The following EHBP1 variants were observed in gnomAD, a reference collection of about 807,000 sequenced individuals.
The protein encoded by EHBP1 is EH domain-binding protein 1.
EHBP1 carries 55 observed loss-of-function variants against 144.0 expected under a neutral mutation model. The ratio of observed to expected loss-of-function variants is 0.38; its 90% CI spans 0.31 to 0.48. The LOEUF is 0.48. Ranked by LOEUF, EHBP1 falls within the 20% of genes least tolerant of loss-of-function variation. The pLI is 0.98. For synonymous variants in EHBP1, 469 were observed against 472.7 expected (o/e 0.99, Z 0.10); for missense variants, 1,200 against 1,364.2 (o/e 0.88, Z 1.90).
intron 2 of EHBP1, among the ~76,000 whole-genome samples, chr2:62,710,685 A>G (rs1387315596): frequency 6.6e-6 from 1 of 152,100 alleles, no homozygotes; most frequent in Non-Finnish European, 1.5e-5. Flanking sequence ...GGTAAAAAAA[A>G]AGTAGTTTTT....
chr2:62,702,235 C>T (rs1297402676), upstream of EHBP1, among the ~76,000 whole-genome samples: 1 of 152,160 alleles, frequency 6.6e-6, no homozygotes, highest in African/African-American at 2.4e-5. Context: ...TCATTTTAAG[C>T]TTGATGATAT....
chr2:62,879,496 T>C (rs2051185538), intron 10 of EHBP1, among the ~76,000 whole-genome samples: 7 of 151,048 alleles, frequency 4.6e-5, no homozygotes, highest in Admixed American at 3.3e-4. Context: ...TACAAGTCTA[T>C]ATAACATTCA....
At chr2:62,675,668 A>G (rs1197611836) in intron 1 of EHBP1, among the ~76,000 whole-genome samples, 4 of 152,166 alleles carry the variant, frequency 2.6e-5, no homozygotes, top group Non-Finnish European at 5.9e-5. Context: ...ATGCTGCAAA[A>G]AAAGGCCACA....
At chr2:62,702,133 A>G (rs1009133465), upstream of EHBP1, among the ~76,000 whole-genome samples, 12 of 152,342 alleles carry the variant, frequency 7.9e-5, no homozygotes, top group African/African-American at 2.9e-4. Flanking sequence ...TGTTTCACTG[A>G]AAATAATTTC....
intron 19 of EHBP1, among the ~76,000 whole-genome samples, chr2:62,999,110 A>G (rs1275399568): frequency 1.3e-5 from 2 of 152,108 alleles, no homozygotes; most frequent in East Asian, 1.9e-4. Flanking sequence ...TGTTTTTTAT[A>G]TGATGAGACT....
intron 10 of EHBP1, among the ~76,000 whole-genome samples, chr2:62,876,462 C>A (rs12991414): frequency 0.11 from 17,360 of 152,216 alleles, 1,228 homozygotes; most frequent in East Asian, 0.19. Context: ...ACCTGCCTTA[C>A]AGGAGGTCCT....
At chr2:62,779,654 G>A (rs1016990046) in intron 5 of EHBP1, among the ~76,000 whole-genome samples, 2 of 152,130 alleles carry the variant, frequency 1.3e-5, no homozygotes, top group Non-Finnish European at 2.9e-5. Context: ...TTTTCTTACA[G>A]TCCCAGAGTC....
intron 10 of EHBP1, among the ~76,000 whole-genome samples, chr2:62,894,179 G>A (rs910466788): frequency 2.0e-5 from 3 of 152,142 alleles, no homozygotes; most frequent in Admixed American, 1.3e-4. Flanking sequence ...GAGTTGAGAG[G>A]GACATGACTA....
chr2:62,774,206 A>G (rs2041895224), intron 5 of EHBP1, among the ~76,000 whole-genome samples: 1 of 152,008 alleles, frequency 6.6e-6, no homozygotes, highest in African/African-American at 2.4e-5. Context: ...CAGCGTCTCT[A>G]CTAAAAATAC....
At chr2:62,838,156 C>T (rs953083307) in intron 7 of EHBP1, among the ~76,000 whole-genome samples, 2 of 151,762 alleles carry the variant, frequency 1.3e-5, no homozygotes, top group African/African-American at 4.8e-5. Context: ...GACCACAGTG[C>T]AATCAAACTA....
At chr2:63,030,181 T>C (rs2061173163) in intron 19 of EHBP1, among the ~76,000 whole-genome samples, 1 of 152,180 alleles carries the variant, frequency 6.6e-6, no homozygotes. Flanking sequence ...CTACAGGAGT[T>C]TCTCAGAATT....
intron 14 of EHBP1, among the ~76,000 whole-genome samples, chr2:62,968,610 A>G (rs1222349457): frequency 6.6e-6 from 1 of 152,196 alleles, no homozygotes; most frequent in Admixed American, 6.6e-5. Context: ...GTTTTGCAGA[A>G]CACTTTAACA....
intron 14 of EHBP1, 92 bp from the exon 15 acceptor site, chr2:62,979,096 G>C: frequency 7.5e-7 from 1 of 1,326,730 alleles, no homozygotes; most frequent in Non-Finnish European, 1.0e-6. Flanking sequence ...CAAGCACCAT[G>C]CTGTAAACCA....
At chr2:62,916,866 G>A (rs2054659378) in intron 10 of EHBP1, among the ~76,000 whole-genome samples, 2 of 149,598 alleles carry the variant, frequency 1.3e-5, no homozygotes, top group South Asian at 4.2e-4. Flanking sequence ...ATAAAATATA[G>A]CTATTATATA....
At chr2:62,836,269 G>A (rs1020861497) in intron 7 of EHBP1, among the ~76,000 whole-genome samples, 10 of 152,062 alleles carry the variant, frequency 6.6e-5, no homozygotes, top group African/African-American at 1.9e-4. Context: ...CAACAGACCT[G>A]CAGCTGAGGG....
At chr2:62,904,196 G>A (rs893956328) in intron 10 of EHBP1, among the ~76,000 whole-genome samples, 1 of 152,176 alleles carries the variant, frequency 6.6e-6, no homozygotes, top group African/African-American at 2.4e-5. Flanking sequence ...TGACATTTGA[G>A]CCTATGTCTT....
chr2:62,975,264 G>A (rs2058661207), intron 14 of EHBP1, among the ~76,000 whole-genome samples: 1 of 152,168 alleles, frequency 6.6e-6, no homozygotes, highest in African/African-American at 2.4e-5. Flanking sequence ...GGCAGAAAGG[G>A]TATGGCCTTT....
Position 62,965,357 on chromosome 2 carries a change from G to A in EHBP1, c.2460+9697G>A, listed in dbSNP as rs1423344101. 2.6e-5 allele frequency among the ~76,000 whole-genome samples: 4 copies of A among 152,126 alleles called. No homozygotes were observed. The East Asian group carries it at 5.8e-4, about 22-fold the overall frequency. ...TTAAGAAATATGCACGACTATTTTA[G>A]TGCTATTTTAAACTATTCTGCCTGT... On this transcript the variant is annotated intron_variant, in intron 14 of 22. Coordinates refer to ENST00000431489, the MANE Select transcript of EHBP1 (RefSeq NM_001142616.3).
At chr2:62,804,786 ACTCCCGAGCTTTGC>A (rs1198743877) in intron 5 of EHBP1, among the ~76,000 whole-genome samples, 1 of 152,020 alleles carries the variant, frequency 6.6e-6, no homozygotes, top group Non-Finnish European at 1.5e-5. Context: ...GCAAGCTTTA[ACTCCCGAGCTTTGC>A]CTCCTGTCAA....
Sources: allele counts gnomAD v4.1 joint callset (sites outside exome capture counted in the v4.1 genomes callset), GRCh38; gene constraint gnomAD v4.1.1; transcripts MANE v1.5; gene names NCBI Gene and HGNC (gene_info 2026-07-23, HGNC 2026-07-21).